Variants in MMP24 observed in about 807,000 individuals in gnomAD.
MMP24 encodes the protein matrix metalloproteinase-24.
MMP24 carries 25 observed loss-of-function variants against 62.8 expected under a neutral mutation model. The ratio of observed to expected loss-of-function variants is 0.40; its 90% CI spans 0.29 to 0.56. The LOEUF is 0.56. Ranked by LOEUF, MMP24 falls within the 20% of genes least tolerant of loss-of-function variation. MMP24 has a pLI of 0.50. For synonymous variants in MMP24, 319 were observed against 350.5 expected (o/e 0.91, Z 1.00); for missense variants, 634 against 853.6 (o/e 0.74, Z 3.21).
intron 1 of MMP24, among the ~76,000 whole-genome samples, chr20:35,230,323 G>C (rs564901013): frequency 6.6e-6 from 1 of 152,212 alleles, no homozygotes; most frequent in South Asian, 2.1e-4. Context: ...CATTATTTTT[G>C]GGGAGAGGAA....
At chr20:35,253,044 C>G (rs2060555552) in intron 3 of MMP24, among the ~76,000 whole-genome samples, 1 of 68,958 alleles carries the variant, frequency 1.5e-5, no homozygotes, top group African/African-American at 6.9e-5. Context: ...CAGGCATGGG[C>G]AGGCTCAGGT....
Position 35,263,651 on chromosome 20 carries a change from T to G in MMP24, c.818-140T>G, listed in dbSNP as rs1188112397. 2.2e-5 allele frequency: 14 copies of G among 641,788 alleles called. No individual in the cohort carries two copies. The East Asian group carries it at 4.6e-4, about 21-fold the overall frequency. The allele number at this position is 641,788 out of a possible 1,614,324, so 39.8% of individuals were successfully genotyped here. A position where few individuals can be genotyped will look rare whatever the true frequency, so the allele number is the denominator to read the frequency against. On this transcript the variant is annotated intron_variant, in intron 4 of 8. Transcript: ENST00000246186. ...AGGCTTGGGAGGCAGGGGTTGTGCC[T>G]GATTTCTCTGTATGTCCCTGGTGTC... is the stretch of plus-strand genomic sequence containing the variant.
intron 1 of MMP24, among the ~76,000 whole-genome samples, chr20:35,241,726 TA>T (rs1277453232): frequency 1.3e-5 from 2 of 152,220 alleles, no homozygotes; most frequent in Admixed American, 6.5e-5. Context: ...GAGCTACTTT[TA>T]ATTCCCAGAG....
intron 2 of MMP24, among the ~76,000 whole-genome samples, chr20:35,247,606 T>C (rs547846263): frequency 7.9e-5 from 12 of 152,198 alleles, no homozygotes; most frequent in Non-Finnish European, 1.6e-4. Context: ...ATGTAAAGAT[T>C]CACGGGCAGG....
At chr20:35,257,453 A>G (rs1180885511) in intron 4 of MMP24, among the ~76,000 whole-genome samples, 4 of 152,174 alleles carry the variant, frequency 2.6e-5, no homozygotes, top group African/African-American at 9.7e-5. Flanking sequence ...AATATTTTTG[A>G]GGCCCTGTTA....
At position 35,276,355 on chromosome 20, in the gene MMP24, T is replaced by C. The variant is rs2060705880; in HGVS notation, c.*1746T>C. ...TGATTCATAGGTTTGTACAGTGTTT[T>C]ATACTTTGCAAAGCACTTTATTAGC... On this transcript the variant is annotated 3_prime_UTR_variant, in exon 9 of 9. Transcript: ENST00000246186. 2.5e-6 allele frequency: 1 copy of C among 398,924 alleles called. No homozygotes were observed. The highest frequency in any genetic ancestry group is 2.1e-5 in the African/African-American group (1 of 48,642). 24.7% of individuals were successfully genotyped at this position (398,924 alleles called of 1,614,324 possible).
intron 1 of MMP24, among the ~76,000 whole-genome samples, chr20:35,244,270 A>T (rs552109484): frequency 6.6e-6 from 1 of 152,116 alleles, no homozygotes; most frequent in Non-Finnish European, 1.5e-5. Context: ...TCCTCTGAGG[A>T]TGGGAAACAG....
chr20:35,251,432 T>C (rs115745103), intron 2 of MMP24, among the ~76,000 whole-genome samples: 1,650 of 152,308 alleles, frequency 0.011, 16 homozygotes, highest in African/African-American at 0.038. Context: ...GCTGAAGAGT[T>C]TGAATTTTAT....
intron 8 of MMP24, among the ~76,000 whole-genome samples, chr20:35,273,239 T>C (rs914754881): frequency 6.6e-6 from 1 of 150,378 alleles, no homozygotes; most frequent in Non-Finnish European, 1.5e-5. Context: ...AAAAAAAAAA[T>C]ACAAAAATTA....
chr20:35,239,329 G>A (rs1045027922), intron 1 of MMP24, among the ~76,000 whole-genome samples: 1 of 152,004 alleles, frequency 6.6e-6, no homozygotes, highest in Admixed American at 6.6e-5. Flanking sequence ...GAGCCACCAC[G>A]CCTGGCTGTT....
intron 4 of MMP24, among the ~76,000 whole-genome samples, chr20:35,261,644 C>T (rs1330311503): frequency 6.6e-6 from 1 of 152,156 alleles, no homozygotes; most frequent in Non-Finnish European, 1.5e-5. Context: ...CAATCTTAGC[C>T]AACAGTTCCC....
Position 35,274,420 on chromosome 20 carries a change from C to T in MMP24, c.1749C>T (p.Pro583=). ...EVERRKERRL[P]QDDVDIMVTI... ...AGCGGCGGAAGGAGCGGCGGCTGCC[C>T]CAGGACGACGTGGACATCATGGTGA... The change falls in exon 9 of 9, where the codon CCC becomes CCT. Residue 583 remains proline, a synonymous_variant. Coordinates refer to ENST00000246186, the MANE Select transcript of MMP24 (RefSeq NM_006690.4). The surrounding 1 kb of genome is among the most constrained non-coding windows in gnomAD (Gnocchi z 5.1). The T allele has an allele frequency of 6.2e-7, 1 of 1,613,926 alleles. No individual in the cohort carries two copies. The highest frequency in any genetic ancestry group is 8.5e-7 in the Non-Finnish European group (1 of 1,179,888).
Position 35,274,427 on chromosome 20 carries a change from G to A in MMP24, c.1756G>A (p.Asp586Asn), listed in dbSNP as rs752956611. Residue 586 changes from aspartate to asparagine, a missense_variant, in exon 9 of 9, where the codon GAC (aspartate) becomes AAC (asparagine). Transcript: ENST00000246186. This position sits in a 1 kb window ranked among gnomAD's most constrained non-coding sequence, Gnocchi z 5.1. ...GAAGGAGCGGCGGCTGCCCCAGGACGACGTGGACATCATGGTGACCATCAA... is the reference window on the plus strand; with the variant it reads ...GAAGGAGCGGCGGCTGCCCCAGGACAACGTGGACATCATGGTGACCATCAA... The part of the protein sequence containing the change: ...RRKERRLPQD[D>N]VDIMVTINDV... 37 of 1,613,844 alleles carry A rather than the reference G, an allele frequency of 2.3e-5. No individual in the cohort carries two copies. Among genetic ancestry groups the A allele is most frequent in the Admixed American group, 1.0e-4 (6 of 60,010 alleles).
intron 1 of MMP24, among the ~76,000 whole-genome samples, chr20:35,227,658 G>C (rs928864365): frequency 3.9e-5 from 6 of 152,170 alleles, no homozygotes; most frequent in Non-Finnish European, 8.8e-5. Flanking sequence ...CATGCATAAT[G>C]CTTGCATGGA....
chr20:35,254,903 A>C, intron 4 of MMP24, 149 bp downstream of exon 4: 1 of 923,426 alleles, frequency 1.1e-6, no homozygotes, highest in Non-Finnish European at 1.6e-6. Flanking sequence ...ATTTCTGATA[A>C]TATTCAACGT....
At chr20:35,248,863 A>C (rs1001253322) in intron 2 of MMP24, among the ~76,000 whole-genome samples, 1 of 152,158 alleles carries the variant, frequency 6.6e-6, no homozygotes, top group African/African-American at 2.4e-5. Context: ...ATGGCAGTGC[A>C]TCCTGGGGCA....
chr20:35,264,417 C>A (rs1046260376), intron 5 of MMP24, among the ~76,000 whole-genome samples: 1 of 152,070 alleles, frequency 6.6e-6, no homozygotes, highest in Non-Finnish European at 1.5e-5. Context: ...GAGGGCCAGG[C>A]GTGGTGGCTC....
chr20:35,250,653 C>T (rs2060540111), intron 2 of MMP24, among the ~76,000 whole-genome samples: 2 of 152,050 alleles, frequency 1.3e-5, no homozygotes, highest in East Asian at 1.9e-4. Flanking sequence ...GTTCCACAGG[C>T]TTTACAGGAA....
chr20:35,229,573 A>G (rs2069577993), intron 1 of MMP24, among the ~76,000 whole-genome samples: 1 of 152,166 alleles, frequency 6.6e-6, no homozygotes, highest in Admixed American at 6.6e-5. Context: ...TTCACTGAAC[A>G]CTAGGGGATC....
Sources: allele counts gnomAD v4.1 joint callset (sites outside exome capture counted in the v4.1 genomes callset), GRCh38; gene constraint gnomAD v4.1.1; non-coding constraint Gnocchi (gnomAD v3.1); transcripts MANE v1.5; gene names NCBI Gene and HGNC (gene_info 2026-07-23, HGNC 2026-07-21).